The following DAB1 variants were observed in gnomAD, a reference collection of about 807,000 sequenced individuals.
DAB1 encodes disabled homolog 1.
In DAB1, 15 loss-of-function variants were observed where a neutral mutation model predicts 64.6. The observed-to-expected ratio is 0.23, with a 90% confidence interval of 0.16 to 0.36. DAB1 has a LOEUF of 0.36. Ranked by LOEUF, DAB1 falls within the 10% of genes least tolerant of loss-of-function variation. The pLI is 1.00. For missense variants in DAB1, 596 were observed against 706.7 expected (o/e 0.84, Z 1.78); for synonymous variants, 235 against 251.9 (o/e 0.93, Z 0.64).
At chr1:57,677,210 T>A (rs774860632) in intron 6 of DAB1, among the ~76,000 whole-genome samples, 20 of 152,210 alleles carry the variant, frequency 1.3e-4, no homozygotes, top group Non-Finnish European at 1.6e-4. Context: ...GATACCTTGA[T>A]CTTGGACTTT....
chr1:58,474,804 C>T (rs138248577), intron 3 of DAB1, among the ~76,000 whole-genome samples: 1 of 152,300 alleles, frequency 6.6e-6, no homozygotes, highest in African/African-American at 2.4e-5. Flanking sequence ...ACAGTGAAAG[C>T]CTTTGAGTCT....
intron 7 of DAB1, among the ~76,000 whole-genome samples, chr1:57,458,810 A>C (rs1410801348): frequency 6.6e-6 from 1 of 152,116 alleles, no homozygotes; most frequent in Non-Finnish European, 1.5e-5. Context: ...AAGCTGAACA[A>C]GATTAAAATT....
intron 5 of DAB1, among the ~76,000 whole-genome samples, chr1:58,022,549 A>G (rs1291707332): frequency 2.0e-5 from 3 of 152,092 alleles, no homozygotes; most frequent in Non-Finnish European, 4.4e-5. Context: ...AATTCCCTGG[A>G]GTTTGCCTAT....
chr1:57,000,246 G>A (rs1645806052), intron 14 of DAB1, among the ~76,000 whole-genome samples: 1 of 151,932 alleles, frequency 6.6e-6, no homozygotes, highest in Non-Finnish European at 1.5e-5. Flanking sequence ...GGGTTTCACT[G>A]TGTCAGCCAG....
At chr1:57,439,418 G>GTTTTTTTTTTTTGTTTTTTTTTT in intron 7 of DAB1, among the ~76,000 whole-genome samples, 1 of 116,140 alleles carries the variant, frequency 8.6e-6, no homozygotes, top group East Asian at 3.0e-4. Flanking sequence ...TGGTGATGAG[G>GTTTTTTTTTTTTGTTTTTTTTTT]TTTTTTCTTT....
upstream of DAB1, among the ~76,000 whole-genome samples, chr1:57,426,818 A>G (rs939372781): frequency 4.6e-5 from 7 of 151,856 alleles, no homozygotes; most frequent in Non-Finnish European, 1.0e-4. Flanking sequence ...GGTGGTGGAT[A>G]ACACTTGCTT....
intron 1 of DAB1, among the ~76,000 whole-genome samples, chr1:57,355,534 G>C (rs1389577992): frequency 6.6e-6 from 1 of 152,066 alleles, no homozygotes; most frequent in Non-Finnish European, 1.5e-5. Context: ...TAGTGCTATG[G>C]GGATAGAGTG....
chr1:58,464,911 G>A (rs909628167), intron 3 of DAB1, among the ~76,000 whole-genome samples: 2 of 152,078 alleles, frequency 1.3e-5, no homozygotes, highest in Admixed American at 1.3e-4. Context: ...ACTGAATATC[G>A]GGGCAGGAGA....
intron 6 of DAB1, among the ~76,000 whole-genome samples, chr1:57,788,998 C>T (rs776085835): frequency 3.3e-5 from 5 of 152,258 alleles, no homozygotes; most frequent in African/African-American, 7.2e-5. Flanking sequence ...CAACTCCCCC[C>T]ACCCTTCGCT....
chr1:57,379,704 G>A (rs570425259), intron 1 of DAB1, among the ~76,000 whole-genome samples: 1 of 152,206 alleles, frequency 6.6e-6, no homozygotes, highest in East Asian at 1.9e-4. Context: ...CCCAAATCAG[G>A]CAAACAAGGG....
chr1:57,883,797 G>A (rs775876167), intron 1 of DAB1, among the ~76,000 whole-genome samples: 28 of 152,180 alleles, frequency 1.8e-4, no homozygotes, highest in African/African-American at 2.2e-4. Context: ...CTTAGATTCC[G>A]CTGGCTACCG....
At chr1:58,326,546 G>A (rs1445522853) in intron 4 of DAB1, among the ~76,000 whole-genome samples, 2 of 152,182 alleles carry the variant, frequency 1.3e-5, no homozygotes, top group Admixed American at 6.5e-5. Context: ...GTGTTATTGA[G>A]TCACATTCAG....
intron 1 of DAB1, among the ~76,000 whole-genome samples, chr1:57,881,396 C>T (rs574462962): frequency 2.1e-4 from 32 of 152,250 alleles, no homozygotes; most frequent in South Asian, 1.7e-3. Flanking sequence ...CTACCTTCTG[C>T]TAAACATTTC....
chr1:57,790,040 G>A (rs1650521811), intron 6 of DAB1, among the ~76,000 whole-genome samples: 1 of 152,160 alleles, frequency 6.6e-6, no homozygotes, highest in Non-Finnish European at 1.5e-5. Context: ...AAGAGGGAAA[G>A]CCATAGAAGC....
intron 4 of DAB1, among the ~76,000 whole-genome samples, chr1:58,238,667 T>C (rs1432537749): frequency 1.3e-5 from 2 of 152,182 alleles, no homozygotes; most frequent in South Asian, 2.1e-4. Flanking sequence ...TCCACTCGAA[T>C]GCCCAGAGAA....
chr1:58,433,657 G>T (rs1020643153), intron 3 of DAB1, among the ~76,000 whole-genome samples: 2 of 148,768 alleles, frequency 1.3e-5, no homozygotes, highest in East Asian at 2.1e-4. Context: ...CTGTGTGGAG[G>T]GGGGGAGGCG....
At chr1:58,528,577 T>C (rs1231727626) in intron 1 of DAB1, among the ~76,000 whole-genome samples, 1 of 152,166 alleles carries the variant, frequency 6.6e-6, no homozygotes, top group African/African-American at 2.4e-5. Flanking sequence ...GCTACTGACA[T>C]CTAGGGAATG....
rs985697720 is a variant in DAB1, at chr1:57,061,236, G to A, written c.723+1648C>T. Among the ~76,000 whole-genome samples, 4 of 151,068 alleles carry A rather than the reference G, an allele frequency of 2.6e-5. No individual in the cohort carries two copies. The East Asian group carries it at 5.8e-4, about 22-fold the overall frequency. ...CAGAAGCCATATTTAGATGGGGGGGGGGGGTGGTTTCAAGATCCTGGAAGA... is the reference window on the plus strand; with the variant it reads ...CAGAAGCCATATTTAGATGGGGGGGAGGGGTGGTTTCAAGATCCTGGAAGA... On this transcript the variant is annotated intron_variant, in intron 9 of 14. Transcript: ENST00000371236.
intron 5 of DAB1, among the ~76,000 whole-genome samples, chr1:58,078,608 G>C (rs1352812026): frequency 2.6e-5 from 4 of 151,978 alleles, no homozygotes; most frequent in Non-Finnish European, 4.4e-5. Flanking sequence ...GGATGAGAAA[G>C]AAAAGGAAAA....
Sources: allele counts gnomAD v4.1 joint callset (sites outside exome capture counted in the v4.1 genomes callset), GRCh38; gene constraint gnomAD v4.1.1; transcripts MANE v1.5; gene names NCBI Gene and HGNC (gene_info 2026-07-23, HGNC 2026-07-21).